PHF12: variants seen among roughly 807,000 people sequenced by gnomAD.
PHF12 encodes PHD factor 1.
PHF12 carries 6 observed loss-of-function variants against 99.8 expected under a neutral mutation model. The ratio of observed to expected loss-of-function variants is 0.06; its 90% CI spans 0.03 to 0.12. The LOEUF (loss-of-function observed/expected upper bound fraction) is 0.12. Ranked by LOEUF, PHF12 falls within the 10% of genes least tolerant of loss-of-function variation. The pLI is 1.00. For synonymous variants in PHF12, 480 were observed against 514.9 expected, an observed-to-expected ratio of 0.93 and a Z score of 0.92; for missense variants, 954 against 1,300.1, an observed-to-expected ratio of 0.73 and a Z score of 4.09.
At chr17:28,917,644 C>A (rs113635413) in intron 6 of PHF12, among the ~76,000 whole-genome samples, 195 bp from the exon 7 acceptor site, 46 of 152,288 alleles carry the variant, frequency 3.0e-4, no homozygotes, top group African/African-American at 1.1e-3. Flanking sequence ...CCTGCCCAGT[C>A]CAGTGGAAGA....
At position 28,912,892 on chromosome 17, in the gene PHF12, G is replaced by A. The variant is rs371067364; in HGVS notation, c.1679C>T (p.Thr560Met). Residue 560 changes from threonine to methionine, a missense_variant, in exon 9 of 15, where the codon ACG becomes ATG. Thr to Met is a moderately conservative substitution (Grantham distance 81). Transcript: ENST00000332830. Reference protein sequence around the residue: ...PHLYSSPTDSTDPRRLPGANT... With the variant: ...PHLYSSPTDSMDPRRLPGANT... Reference sequence around the variant, plus strand: ...AGCGCCTGGAAGTCGCCGGGGGTCCGTGGAATCAGTAGGGCTGCTGTAGAG... The same window carrying A: ...AGCGCCTGGAAGTCGCCGGGGGTCCATGGAATCAGTAGGGCTGCTGTAGAG... 1.2e-5 allele frequency: 19 copies of A among 1,613,216 alleles called. No individual in the cohort carries two copies. Among genetic ancestry groups the A allele is most frequent in the Admixed American group, 1.2e-4 (7 of 59,972 alleles).
chr17:28,908,061 C>T (rs1289854997), intron 12 of PHF12: 1 of 170,568 alleles, frequency 5.9e-6, no homozygotes, highest in African/African-American at 2.4e-5. Context: ...GTACCAGATA[C>T]AGAGCTATCG....
At chr17:28,910,042 G>T in intron 11 of PHF12, 184 bp downstream of exon 11, 1 of 848,984 alleles carries the variant, frequency 1.2e-6, no homozygotes, top group Non-Finnish European at 1.9e-6. Context: ...TGATCAGAAA[G>T]CTGTGGTTGC....
chr17:28,917,584 G>T, intron 6 of PHF12, 135 bp from the exon 7 acceptor site: 1 of 927,888 alleles, frequency 1.1e-6, no homozygotes, highest in Non-Finnish European at 1.6e-6. Context: ...CAGGATGTCG[G>T]CACTCTTTGT....
chr17:28,949,378 G>T lies in PHF12; in HGVS notation c.248+687C>A, dbSNP rs1373962279. Among the ~76,000 whole-genome samples, 1 of 152,190 alleles carries T rather than the reference G, an allele frequency of 6.6e-6. No individual in the cohort carries two copies. Among genetic ancestry groups the T allele is most frequent in the Non-Finnish European group, 1.5e-5 (1 of 68,028 alleles). On this transcript the variant is annotated intron_variant, in intron 2 of 14. Coordinates refer to ENST00000332830, the MANE Select transcript of PHF12 (RefSeq NM_001033561.2). The surrounding 1 kb of genome is among the most constrained non-coding windows in gnomAD (Gnocchi z 4.6). Reference sequence around the variant, plus strand: ...GGGGGCAAGCGGAGGCAGAGAAAGGGGATCAAAGCGGCGAGATCCCAGACG... The same window carrying T: ...GGGGGCAAGCGGAGGCAGAGAAAGGTGATCAAAGCGGCGAGATCCCAGACG...
At chr17:28,938,254 G>A (rs1380997976) in intron 2 of PHF12, among the ~76,000 whole-genome samples, 9 of 151,970 alleles carry the variant, frequency 5.9e-5, no homozygotes, top group Admixed American at 5.9e-4. Context: ...TTTTTGAGAT[G>A]GAGTCTCACT....
At chr17:28,910,954 C>T (rs1157343527) in intron 10 of PHF12, 158 bp downstream of exon 10, 14 of 1,039,028 alleles carry the variant, frequency 1.3e-5, no homozygotes, top group Admixed American at 8.8e-5. Context: ...TTTTTCACCC[C>T]GCCCCCCCAT....
chr17:28,932,399 G>A (rs927604573), intron 2 of PHF12, among the ~76,000 whole-genome samples: 2 of 152,148 alleles, frequency 1.3e-5, no homozygotes, highest in Non-Finnish European at 2.9e-5. Flanking sequence ...CTTCCAAAGT[G>A]CTGGGATTAC....
In PHF12 at chr17:28,951,147, A is replaced by C. The variant is rs2040804565; in HGVS notation, c.-187T>G. 7.0e-7 allele frequency: 1 copy of C among 1,426,030 alleles called. No individual in the cohort carries two copies. The highest frequency in any genetic ancestry group is 9.1e-7 in the Non-Finnish European group (1 of 1,094,238). 88.3% of individuals were successfully genotyped at this position (1,426,030 alleles called of 1,614,324 possible). ...TCCCCGGGACGACAGCGTCCTCCCGACGGGCCGCGAGGGGGGAGCGGCCCC... is the reference window on the plus strand; with the variant it reads ...TCCCCGGGACGACAGCGTCCTCCCGCCGGGCCGCGAGGGGGGAGCGGCCCC... On this transcript the variant is annotated 5_prime_UTR_variant, in exon 1 of 15. Transcript: ENST00000332830.
chr17:28,911,276 G>A, intron 9 of PHF12, 39 bp from the exon 10 acceptor site: 1 of 1,611,664 alleles, frequency 6.2e-7, no homozygotes, highest in East Asian at 2.2e-5. Flanking sequence ...TACGTCGCCT[G>A]AGGGAAACCC....
In PHF12 at chr17:28,950,184, A is replaced by C. The variant is rs1305055629; in HGVS notation, c.129T>G (p.Pro43=). 14 of 1,612,770 alleles carry C rather than the reference A, an allele frequency of 8.7e-6. No individual in the cohort carries two copies. The highest frequency in any genetic ancestry group is 1.2e-5 in the Non-Finnish European group (14 of 1,179,832). ...TDEAEKRSRK[P]EKEPRRSGRA... is the part of the protein sequence containing the mutation. ...TGCCGCTTCTCCGGGGCTCCTTCTC[A>C]GGCTTCCGACTGCGCTTTTCTGCCT... The change falls in exon 2 of 15, where the codon CCT becomes CCG. Residue 43 remains proline, a synonymous_variant. Coordinates refer to ENST00000332830, the MANE Select transcript of PHF12 (RefSeq NM_001033561.2). The surrounding 1 kb of genome is among the most constrained non-coding windows in gnomAD (Gnocchi z 5.7).
At chr17:28,926,143 T>C (rs2040268525) in intron 3 of PHF12, 1 of 152,572 alleles carries the variant, frequency 6.6e-6, no homozygotes, top group Non-Finnish European at 1.5e-5. Flanking sequence ...TAATGTCTGC[T>C]TGTTTACTTT....
intron 2 of PHF12, among the ~76,000 whole-genome samples, chr17:28,938,198 T>C (rs959212470): frequency 2.0e-5 from 3 of 152,162 alleles, no homozygotes; most frequent in Non-Finnish European, 4.4e-5. Flanking sequence ...ATACTAACAA[T>C]GTATTTAAAA....
intron 5 of PHF12, 98 bp downstream of exon 5, chr17:28,921,590 T>C: frequency 7.0e-7 from 1 of 1,432,942 alleles, no homozygotes; most frequent in South Asian, 1.2e-5. Context: ...GAATATGGGC[T>C]GTTCACATTT....
chr17:28,919,108 C>A (rs765628991), intron 6 of PHF12, 35 bp downstream of exon 6: 1 of 1,596,040 alleles, frequency 6.3e-7, no homozygotes, highest in South Asian at 1.1e-5. Flanking sequence ...TCCAGCTATG[C>A]CCATTGAGGA....
chr17:28,919,068 T>G, intron 6 of PHF12, 75 bp downstream of exon 6: 1 of 1,509,500 alleles, frequency 6.6e-7, no homozygotes, highest in Non-Finnish European at 8.9e-7. Flanking sequence ...CAAGCTGACC[T>G]TAATATGCTT....
intron 6 of PHF12, among the ~76,000 whole-genome samples, 160 bp from the exon 7 acceptor site, chr17:28,917,609 A>G (rs1653390030): frequency 6.6e-6 from 1 of 152,174 alleles, no homozygotes; most frequent in African/African-American, 2.4e-5. Flanking sequence ...GAGCAAGGGA[A>G]CATGGATGAG....
chr17:28,948,589 A>G (rs2040755704), intron 2 of PHF12, among the ~76,000 whole-genome samples: 1 of 152,224 alleles, frequency 6.6e-6, no homozygotes, highest in African/African-American at 2.4e-5. Context: ...AGTTTCCTAC[A>G]TAACTTCTGA....
chr17:28,939,111 GCAGT>G (rs1263726094), intron 2 of PHF12, among the ~76,000 whole-genome samples: 1 of 152,262 alleles, frequency 6.6e-6, no homozygotes, highest in Non-Finnish European at 1.5e-5. Flanking sequence ...ACTGTAGCCT[GCAGT>G]CAGATGCCTG....
Sources: allele counts gnomAD v4.1 joint callset (sites outside exome capture counted in the v4.1 genomes callset), GRCh38; gene constraint gnomAD v4.1.1; non-coding constraint Gnocchi (gnomAD v3.1); transcripts MANE v1.5; gene names NCBI Gene and HGNC (gene_info 2026-07-23, HGNC 2026-07-21).